Variants in TENM2 observed in about 807,000 individuals in gnomAD.
TENM2 encodes teneurin-2.
In TENM2, 52 loss-of-function variants were observed where a neutral mutation model predicts 245.2. That is an observed-to-expected ratio of 0.21 (90% CI 0.17 to 0.27). The LOEUF (loss-of-function observed/expected upper bound fraction) is 0.27. Ranked by LOEUF, TENM2 falls within the 10% of genes least tolerant of loss-of-function variation. The probability of loss-of-function intolerance (pLI) is 1.00; values close to 1 mark genes in which losing one functional copy is unlikely to be tolerated. For synonymous variants in TENM2, 1,363 were observed against 1,438.9 expected, an observed-to-expected ratio of 0.95 and a Z score of 1.19; for missense variants, 3,046 against 3,666.8, an observed-to-expected ratio of 0.83 and a Z score of 4.37.
intron 9 of TENM2, among the ~76,000 whole-genome samples, chr5:168,114,030 A>G (rs779684417): frequency 3.9e-5 from 6 of 152,144 alleles, no homozygotes; most frequent in African/African-American, 9.7e-5. Context: ...GGTGATTGCT[A>G]GTGTTTGTGT....
chr5:167,241,615 A>G, the TENM2 span, among the ~76,000 whole-genome samples: 2 of 152,204 alleles, frequency 1.3e-5, no homozygotes, highest in South Asian at 4.1e-4. Context: ...GGTGCTTCAC[A>G]AAGAAAGGAT....
chr5:167,698,412 C>T lies in TENM2; in HGVS notation c.503-177574C>T, dbSNP rs373317561. On this transcript the variant is annotated intron_variant, in intron 2 of 28. Coordinates refer to ENST00000518659, the Ensembl canonical transcript of TENM2. Reference sequence around the variant, plus strand: ...CCATGCTGTCTGTCTCTCCATCAGGCTCCACACTGTTCCCTGTGCTAGAAC... The same window carrying T: ...CCATGCTGTCTGTCTCTCCATCAGGTTCCACACTGTTCCCTGTGCTAGAAC... Among the ~76,000 whole-genome samples the T allele has an allele frequency of 6.6e-5, 10 of 152,286 alleles. No homozygotes were observed. In the South Asian group the frequency reaches 1.2e-3, roughly 19 times the overall value.
At chr5:167,835,435 T>G (rs1435645276) in intron 2 of TENM2, among the ~76,000 whole-genome samples, 3 of 152,216 alleles carry the variant, frequency 2.0e-5, no homozygotes, top group Admixed American at 2.0e-4. Flanking sequence ...GATTGGGTAC[T>G]CAGCCAGAGA....
At chr5:167,350,709 T>TATATATATGGGATACATATATGG (rs1758810185) in intron 1 of TENM2, among the ~76,000 whole-genome samples, 1 of 144,654 alleles carries the variant, frequency 6.9e-6, no homozygotes, top group Non-Finnish European at 1.5e-5. Context: ...TATATGGATA[T>TATATATATGGGATACATATATGG]ATATATATGG....
chr5:168,248,246 G>A (rs751139107), exon 27 of TENM2: 3 of 1,614,014 alleles, frequency 1.9e-6, no homozygotes, highest in Non-Finnish European at 2.5e-6. Context: ...CTGGCAGGAC[G>A]ATGGACCTCC....
intron 2 of TENM2, among the ~76,000 whole-genome samples, chr5:167,655,413 G>T (rs542612910): frequency 1.9e-4 from 29 of 152,226 alleles, no homozygotes; most frequent in Middle Eastern, 3.4e-3. Flanking sequence ...GCCACCTCTT[G>T]ACCAAGGAAA....
intron 12 of TENM2, among the ~76,000 whole-genome samples, chr5:168,130,733 A>T (rs1006427180): frequency 3.9e-5 from 6 of 152,126 alleles, no homozygotes; most frequent in African/African-American, 1.4e-4. Context: ...CCCTGTCACT[A>T]CAAAAATTAG....
intron 28 of TENM2, 129 bp downstream of exon 30, chr5:168,260,542 C>T (rs1256970051): frequency 4.8e-6 from 5 of 1,033,840 alleles, no homozygotes; most frequent in Non-Finnish European, 7.0e-6. Context: ...GTGCAGGACA[C>T]ATTGAGACTT....
rs1380778783 is a variant in TENM2, at chr5:167,445,334, T to TAGAG, written c.502+69862_502+69863insGAGA. Among the ~76,000 whole-genome samples the TAGAG allele has an allele frequency of 8.7e-3, 751 of 86,050 alleles. 3 individuals carry two copies. Among genetic ancestry groups the TAGAG allele is most frequent in the Middle Eastern group, 0.021 (3 of 142 alleles). 56.5% of individuals were successfully genotyped at this position (86,050 alleles called of 152,430 possible). ...GATTATATATATATATATATATATA[T>TAGAG]ATAGAGAGAGAGAGAGAGAGAGAGA... On this transcript the variant is annotated intron_variant, in intron 2 of 28. Coordinates refer to ENST00000518659, the Ensembl canonical transcript of TENM2.
At chr5:166,990,439 A>G in the TENM2 span, among the ~76,000 whole-genome samples, 1 of 152,234 alleles carries the variant, frequency 6.6e-6, no homozygotes, top group Non-Finnish European at 1.5e-5. Context: ...AATAATGACA[A>G]AGATTCATCC....
intron 2 of TENM2, among the ~76,000 whole-genome samples, chr5:167,569,392 G>A (rs543564410): frequency 6.6e-6 from 1 of 152,100 alleles, no homozygotes; most frequent in Non-Finnish European, 1.5e-5. Context: ...TGTGAATATT[G>A]TTCTCATTTA....
At chr5:167,674,445 C>G (rs997497021) in intron 2 of TENM2, among the ~76,000 whole-genome samples, 2 of 152,108 alleles carry the variant, frequency 1.3e-5, no homozygotes, top group African/African-American at 4.8e-5. Flanking sequence ...ACTGATGCCT[C>G]TAACAAATTC....
At chr5:168,142,254 A>G (rs1052671614) in intron 12 of TENM2, among the ~76,000 whole-genome samples, 26 of 152,216 alleles carry the variant, frequency 1.7e-4, no homozygotes, top group African/African-American at 6.0e-4. Flanking sequence ...CAGGCTTCAG[A>G]AGATGCAGAG....
At chr5:167,413,958 A>C (rs557887504) in intron 2 of TENM2, among the ~76,000 whole-genome samples, 1 of 152,270 alleles carries the variant, frequency 6.6e-6, no homozygotes, top group East Asian at 1.9e-4. Context: ...TTGTATATTG[A>C]TGAAAGGAAA....
At chr5:168,074,671 G>GTT (rs1791309672) in intron 7 of TENM2, among the ~76,000 whole-genome samples, 1 of 152,008 alleles carries the variant, frequency 6.6e-6, no homozygotes, top group African/African-American at 2.4e-5. Context: ...TCACTCCCTG[G>GTT]ACTCCACCAC....
In TENM2 at chr5:167,698,630, C is replaced by T. The variant is rs867057063; in HGVS notation, c.503-177356C>T. ...GCATAGTGGGAAGAACAGAGAATGG[C>T]TTCCATAAATAGTTTTTCTGTGTGT... On this transcript the variant is annotated intron_variant, in intron 2 of 28. Transcript: ENST00000518659. Among the ~76,000 whole-genome samples the T allele has an allele frequency of 2.0e-5, 3 of 148,190 alleles. No individual in the cohort carries two copies. In the South Asian group the frequency reaches 6.5e-4, roughly 32 times the overall value.
At chr5:167,635,631 G>GTTT (rs1561623173) in intron 2 of TENM2, among the ~76,000 whole-genome samples, 6 of 90,968 alleles carry the variant, frequency 6.6e-5, no homozygotes, top group East Asian at 1.2e-3. Context: ...GATCAGTACA[G>GTTT]TCTTTTTTTT....
intron 1 of TENM2, among the ~76,000 whole-genome samples, chr5:167,340,259 GT>G (rs571587705): frequency 1.4e-4 from 22 of 152,204 alleles, no homozygotes; most frequent in African/African-American, 4.6e-4. Flanking sequence ...TCCACTACCA[GT>G]TCCAAAGTCA....
At chr5:167,134,233 TC>T in the TENM2 span, among the ~76,000 whole-genome samples, 1 of 152,232 alleles carries the variant, frequency 6.6e-6, no homozygotes, top group Non-Finnish European at 1.5e-5. Flanking sequence ...AAAAACATTT[TC>T]ATATGAAACT....
Sources: gnomAD v4.1 joint callset for allele counts (sites outside exome capture counted in the v4.1 genomes callset) on GRCh38, gnomAD v4.1.1 for gene constraint, MANE v1.5 for transcripts, NCBI Gene and HGNC (gene_info 2026-07-23, HGNC 2026-07-21) for gene names.